CLTC: variants seen among roughly 807,000 people sequenced by gnomAD.
CLTC encodes the protein clathrin heavy chain, also known as clathrin heavy chain 1.
A neutral mutation model predicts 195.8 loss-of-function variants in CLTC; 16 were observed. The ratio of observed to expected loss-of-function variants is 0.08; its 90% CI spans 0.06 to 0.12. The LOEUF (loss-of-function observed/expected upper bound fraction) is 0.12, where lower values mean the gene tolerates loss of function less well. Among genes scored for constraint, CLTC ranks in the 10% least tolerant of loss-of-function variants. CLTC has a pLI of 1.00. For synonymous variants in CLTC, 667 were observed against 689.4 expected, an observed-to-expected ratio of 0.97 and a Z score of 0.51; for missense variants, 796 against 2,027.0, an observed-to-expected ratio of 0.39 and a Z score of 11.66.
At chr17:59,630,717 T>C (rs2031688229) in intron 1 of CLTC, among the ~76,000 whole-genome samples, 1 of 152,288 alleles carries the variant, frequency 6.6e-6, no homozygotes, top group Non-Finnish European at 1.5e-5. Context: ...ATCCATGTTA[T>C]AGCATATATC....
At chr17:59,684,906 T>G (rs988262422) in intron 28 of CLTC, 150 bp from the exon 29 acceptor site, 1 of 511,296 alleles carries the variant, frequency 2.0e-6, no homozygotes. Context: ...GAAAATGGTA[T>G]CTTTAGGTAA....
intron 6 of CLTC, among the ~76,000 whole-genome samples, chr17:59,657,587 T>G (rs912346010): frequency 1.3e-5 from 2 of 151,774 alleles, no homozygotes; most frequent in African/African-American, 4.8e-5. Context: ...GCCAACATGG[T>G]GAAACCCTGT....
rs943222118 is a variant in CLTC, at chr17:59,620,123, G to T, written c.-9G>T. On this transcript the variant is annotated 5_prime_UTR_variant, in exon 1 of 32. Transcript: ENST00000269122. ...GTGACAGGAGGAGACCATAACCCCC[G>T]ACAGCGCCATGGCCCAGATTCTGCC... The T allele has an allele frequency of 6.2e-7, 1 of 1,613,982 alleles. No individual in the cohort carries two copies. The highest frequency in any genetic ancestry group is 1.7e-5 in the Admixed American group (1 of 60,016).
At position 59,683,053 on chromosome 17, in the gene CLTC, C is replaced by T. The variant is rs2033111624; in HGVS notation, c.3873+39C>T. 6.2e-7 allele frequency: 1 copy of T among 1,613,526 alleles called. No homozygotes were observed. The highest frequency in any genetic ancestry group is 1.3e-5 in the African/African-American group (1 of 74,882). On this transcript the variant is annotated intron_variant, in intron 24 of 31. Transcript: ENST00000269122. The surrounding 1 kb of genome is among the most constrained non-coding windows in gnomAD (Gnocchi z 6.1). ...TTTTATATGACCTGAGATCTTTTAC[C>T]ATAGATATTCTTATCTTTAACTGCA... is the stretch of plus-strand genomic sequence containing the variant.
At chr17:59,660,225 T>C (rs2032577789) in intron 6 of CLTC, among the ~76,000 whole-genome samples, 166 bp from the exon 7 acceptor site, 1 of 152,220 alleles carries the variant, frequency 6.6e-6, no homozygotes, top group Admixed American at 6.5e-5. Context: ...CTTAATTTTT[T>C]TTCTCCTTGT....
intron 18 of CLTC, 66 bp downstream of exon 18, chr17:59,679,585 C>G (rs1019119837): frequency 4.9e-6 from 7 of 1,421,606 alleles, no homozygotes; most frequent in Non-Finnish European, 6.6e-6. Flanking sequence ...TGAATACAAT[C>G]CTTTCCCTCA....
chr17:59,640,936 T>C (rs1427646451), intron 1 of CLTC, among the ~76,000 whole-genome samples: 5 of 151,770 alleles, frequency 3.3e-5, no homozygotes, highest in Non-Finnish European at 7.4e-5. Flanking sequence ...CTGGCCAACG[T>C]GGTCAAACCC....
intron 1 of CLTC, among the ~76,000 whole-genome samples, chr17:59,643,801 T>C (rs758666517): frequency 2.0e-5 from 3 of 152,218 alleles, no homozygotes; most frequent in Non-Finnish European, 4.4e-5. Flanking sequence ...TTAGAACTTG[T>C]TTGCTCTTGC....
intron 1 of CLTC, among the ~76,000 whole-genome samples, chr17:59,642,957 A>G (rs913084901): frequency 6.6e-6 from 1 of 152,180 alleles, no homozygotes; most frequent in Non-Finnish European, 1.5e-5. Context: ...ATGTTTAAGC[A>G]CTATTAGCAG....
At chr17:59,647,261 A>T in intron 2 of CLTC, 137 bp from the exon 3 acceptor site, 1 of 668,228 alleles carries the variant, frequency 1.5e-6, no homozygotes, top group Non-Finnish European at 2.5e-6. Flanking sequence ...TTACCTCTTT[A>T]ATGGTTGCTG....
At chr17:59,620,845 T>G (rs1398367804) in intron 1 of CLTC, among the ~76,000 whole-genome samples, 1 of 151,544 alleles carries the variant, frequency 6.6e-6, no homozygotes, top group African/African-American at 2.4e-5. Context: ...TCAGAGTGTG[T>G]GCGGTCAAAC....
intron 2 of CLTC, among the ~76,000 whole-genome samples, chr17:59,646,230 A>C (rs2143502666): frequency 6.6e-6 from 1 of 152,268 alleles, no homozygotes; most frequent in East Asian, 1.9e-4. Context: ...GAGTTGAGGA[A>C]GGCAGCAAAG....
intron 6 of CLTC, among the ~76,000 whole-genome samples, chr17:59,657,258 T>G (rs2032493404): frequency 6.6e-6 from 1 of 152,186 alleles, no homozygotes; most frequent in Admixed American, 6.5e-5. Flanking sequence ...TAGGTGCTTT[T>G]GCTCTGTACT....
chr17:59,681,636 T>C lies in CLTC; in HGVS notation c.3250-11T>C, dbSNP rs1204974216. On this transcript the variant is annotated splice_polypyrimidine_tract_variant and intron_variant, in intron 20 of 31. Coordinates refer to ENST00000269122, the MANE Select transcript of CLTC (RefSeq NM_004859.4). This position sits in a 1 kb window ranked among gnomAD's most constrained non-coding sequence, Gnocchi z 5.0. ...TTTACTCTAACCCTAATTTCAAACT[T>C]GGATACTTAGGTCTTAATTGAGCAT... 6.2e-7 allele frequency: 1 copy of C among 1,602,740 alleles called. No homozygotes were observed. The highest frequency in any genetic ancestry group is 1.3e-5 in the African/African-American group (1 of 74,482).
chr17:59,674,649 C>T (rs2143575238), intron 15 of CLTC, 52 bp from the exon 16 acceptor site: 3 of 1,478,634 alleles, frequency 2.0e-6, no homozygotes, highest in South Asian at 1.3e-5. Flanking sequence ...TTTAAAATTC[C>T]TCTTTGCTTT....
intron 31 of CLTC, among the ~76,000 whole-genome samples, chr17:59,692,271 T>C (rs2033321553): frequency 6.6e-6 from 1 of 152,172 alleles, no homozygotes; most frequent in South Asian, 2.1e-4. Flanking sequence ...GAGCCAAAAT[T>C]GCACCACTGC....
intron 30 of CLTC, among the ~76,000 whole-genome samples, chr17:59,686,068 T>C (rs985049825): frequency 6.6e-6 from 1 of 152,296 alleles, no homozygotes; most frequent in East Asian, 1.9e-4. Flanking sequence ...TAAAAAACTT[T>C]GATAAATTTT....
chr17:59,666,641 T>TGA lies in CLTC; in HGVS notation c.1946_1947dup (p.Trp650SerfsTer3). On this transcript the variant is annotated frameshift_variant, in exon 12 of 32. Coordinates refer to ENST00000269122, the MANE Select transcript of CLTC (RefSeq NM_004859.4). LOFTEE classifies it high-confidence loss of function. This position sits in a 1 kb window ranked among gnomAD's most constrained non-coding sequence, Gnocchi z 4.9. Reference sequence around the variant, plus strand: ...TGGTTCACACCCATCTTCTTAACCCTGAGGTATTTCAGTTTCTTACCTAAT... The same window carrying TGA: ...TGGTTCACACCCATCTTCTTAACCCTGAGAGGTATTTCAGTTTCTTACCTAAT... 6.2e-7 allele frequency: 1 copy of TGA among 1,608,828 alleles called. No individual in the cohort carries two copies. The highest frequency in any genetic ancestry group is 2.2e-5 in the East Asian group (1 of 44,790).
chr17:59,692,272 G>A (rs1256463515), intron 31 of CLTC, among the ~76,000 whole-genome samples: 1 of 152,168 alleles, frequency 6.6e-6, no homozygotes. Context: ...AGCCAAAATT[G>A]CACCACTGCA....
Sources: gnomAD v4.1 joint callset for allele counts (sites outside exome capture counted in the v4.1 genomes callset) on GRCh38, gnomAD v4.1.1 for gene constraint, Gnocchi (gnomAD v3.1) non-coding constraint, MANE v1.5 for transcripts, NCBI Gene and HGNC (gene_info 2026-07-23, HGNC 2026-07-21) for gene names.